Variants in PDE7A observed in about 807,000 individuals in gnomAD.
The protein encoded by PDE7A is high affinity 3',5'-cyclic-AMP phosphodiesterase 7A.
In PDE7A, 39 loss-of-function variants were observed where a neutral mutation model predicts 64.3. The observed-to-expected ratio is 0.61, with a 90% CI of 0.47 to 0.79. PDE7A has a LOEUF of 0.79. PDE7A is among the 30% of genes least tolerant of loss of function. The pLI is 0.00. For synonymous variants in PDE7A, 203 were observed against 206.8 expected, an observed-to-expected ratio of 0.98 and a Z score of 0.16; for missense variants, 470 against 582.8, an observed-to-expected ratio of 0.81 and a Z score of 1.99.
chr8:65,789,607 G>C (rs1585920073), intron 1 of PDE7A, among the ~76,000 whole-genome samples: 1 of 152,072 alleles, frequency 6.6e-6, no homozygotes, highest in Admixed American at 6.5e-5. Flanking sequence ...AATAATTAAG[G>C]ACATATTATT....
chr8:65,724,734 A>G (rs1806538146), intron 10 of PDE7A, 43 bp downstream of exon 10: 7 of 1,518,500 alleles, frequency 4.6e-6, no homozygotes, highest in Non-Finnish European at 6.3e-6. Flanking sequence ...TGACAGTCAC[A>G]TAATTTATCC....
intron 9 of PDE7A, among the ~76,000 whole-genome samples, chr8:65,726,151 T>C (rs1024027387): frequency 6.6e-6 from 1 of 152,208 alleles, no homozygotes; most frequent in African/African-American, 2.4e-5. Flanking sequence ...TTTCTTGAAG[T>C]GGATGGTTTC....
At chr8:65,831,757 G>C (rs1366230604) in intron 1 of PDE7A, among the ~76,000 whole-genome samples, 2 of 152,104 alleles carry the variant, frequency 1.3e-5, no homozygotes, top group Non-Finnish European at 2.9e-5. Context: ...AACAGTCACT[G>C]GTTGAGAATT....
chr8:65,782,773 T>C lies in PDE7A; in HGVS notation c.199+10A>G, dbSNP rs771177982. 8.0e-6 allele frequency: 12 copies of C among 1,499,578 alleles called. No individual in the cohort carries two copies. The highest frequency in any genetic ancestry group is 2.8e-5 in the African/African-American group (2 of 72,148). The allele number at this position is 1,499,578 out of a possible 1,614,324, so 92.9% of individuals were successfully genotyped here. On this transcript the variant is annotated intron_variant, in intron 2 of 12. Coordinates refer to ENST00000401827, the MANE Select transcript of PDE7A (RefSeq NM_001242318.3). ...TTAACTGATATTGGTATAAAATAAA[T>C]AATGCTTACCTAGCATACGAATGTA...
At chr8:65,834,617 C>T (rs1810910807) in intron 1 of PDE7A, among the ~76,000 whole-genome samples, 1 of 152,188 alleles carries the variant, frequency 6.6e-6, no homozygotes, top group Non-Finnish European at 1.5e-5. Flanking sequence ...GTAAAGCAGA[C>T]TTTGCTGAAA....
intron 1 of PDE7A, among the ~76,000 whole-genome samples, chr8:65,803,393 C>T (rs575406605): frequency 2.6e-5 from 4 of 152,314 alleles, no homozygotes; most frequent in Admixed American, 1.3e-4. Flanking sequence ...TAGTGCTCCC[C>T]TTTTCAAGTT....
chr8:65,747,469 C>T (rs1442835215), intron 4 of PDE7A, among the ~76,000 whole-genome samples, 183 bp downstream of exon 4: 2 of 151,942 alleles, frequency 1.3e-5, no homozygotes, highest in African/African-American at 4.8e-5. Flanking sequence ...CAGAAATTTC[C>T]CTTGCTCTGT....
intron 3 of PDE7A, among the ~76,000 whole-genome samples, chr8:65,757,764 G>A (rs944995529): frequency 3.3e-5 from 5 of 152,176 alleles, no homozygotes; most frequent in South Asian, 2.1e-4. Context: ...GACTACAGAC[G>A]TGTGCCACCA....
At chr8:65,839,989 A>C (rs986113464) in intron 1 of PDE7A, among the ~76,000 whole-genome samples, 7 of 152,218 alleles carry the variant, frequency 4.6e-5, no homozygotes, top group African/African-American at 1.7e-4. Flanking sequence ...GAAGTAAAAT[A>C]ATATTTAGAA....
At chr8:65,730,577 C>G (rs117094893) in intron 7 of PDE7A, among the ~76,000 whole-genome samples, 1 of 152,210 alleles carries the variant, frequency 6.6e-6, no homozygotes, top group Non-Finnish European at 1.5e-5. Context: ...TATTGTCTTC[C>G]GTGAAACTGG....
intron 7 of PDE7A, among the ~76,000 whole-genome samples, chr8:65,730,537 T>C (rs1011666419): frequency 6.6e-6 from 1 of 152,110 alleles, no homozygotes; most frequent in Admixed American, 6.5e-5. Flanking sequence ...AGTTTCATCC[T>C]GAAACCATCC....
At chr8:65,741,682 T>C (rs184271554) in intron 5 of PDE7A, among the ~76,000 whole-genome samples, 23 of 152,356 alleles carry the variant, frequency 1.5e-4, no homozygotes, top group Middle Eastern at 6.8e-3. Context: ...TGTGGAGCCA[T>C]TTCTGAAGAA....
At chr8:65,829,956 G>C (rs1260493815) in intron 1 of PDE7A, among the ~76,000 whole-genome samples, 1 of 152,132 alleles carries the variant, frequency 6.6e-6, no homozygotes, top group Non-Finnish European at 1.5e-5. Flanking sequence ...AGCATGGAGA[G>C]TAAAGAGAAT....
chr8:65,765,216 G>A (rs979417779), intron 3 of PDE7A, among the ~76,000 whole-genome samples: 1 of 152,066 alleles, frequency 6.6e-6, no homozygotes, highest in Admixed American at 6.6e-5. Flanking sequence ...CGAGCCGGGC[G>A]CGGTGGCTCA....
chr8:65,782,958 G>A (rs1332281511), intron 1 of PDE7A, 115 bp from the exon 2 acceptor site: 6 of 639,186 alleles, frequency 9.4e-6, no homozygotes, highest in Non-Finnish European at 1.6e-5. Context: ...AGAGAAGTTG[G>A]ATACACAAAA....
chr8:65,754,617 GAGCC>G (rs1209186917), intron 3 of PDE7A, among the ~76,000 whole-genome samples: 1 of 150,782 alleles, frequency 6.6e-6, no homozygotes, highest in Admixed American at 6.6e-5. Flanking sequence ...ATTACAGGCT[GAGCC>G]ACCATGCCCA....
intron 4 of PDE7A, among the ~76,000 whole-genome samples, chr8:65,746,581 T>C (rs1807686821): frequency 6.6e-6 from 1 of 152,168 alleles, no homozygotes; most frequent in South Asian, 2.1e-4. Flanking sequence ...ACCTGAACCT[T>C]TTGTGGACTT....
At chr8:65,766,512 A>G (rs943259869) in intron 3 of PDE7A, among the ~76,000 whole-genome samples, 10 of 152,216 alleles carry the variant, frequency 6.6e-5, no homozygotes, top group South Asian at 4.1e-4. Flanking sequence ...CTGCCATAGT[A>G]AAAAATGATG....
intron 1 of PDE7A, among the ~76,000 whole-genome samples, chr8:65,820,510 G>A (rs1027995399): frequency 2.6e-5 from 4 of 151,094 alleles, no homozygotes; most frequent in Admixed American, 2.6e-4. Flanking sequence ...ATAATATTTG[G>A]TGGTTGAACT....
Sources: allele counts gnomAD v4.1 joint callset (sites outside exome capture counted in the v4.1 genomes callset), GRCh38; gene constraint gnomAD v4.1.1; transcripts MANE v1.5; gene names NCBI Gene and HGNC (gene_info 2026-07-23, HGNC 2026-07-21).